PTCD2: variants seen among roughly 807,000 people sequenced by gnomAD.
The protein encoded by PTCD2 is pentatricopeptide repeat domain 2, also known as pentatricopeptide repeat-containing protein 2, mitochondrial.
Under a neutral mutation model 42.6 loss-of-function variants are expected in PTCD2, and 31 were observed. The ratio of observed to expected loss-of-function variants is 0.73; its 90% confidence interval spans 0.55 to 0.98. The LOEUF (loss-of-function observed/expected upper bound fraction) is 0.98. PTCD2 is among the 50% of genes least tolerant of loss of function. The pLI, the probability that PTCD2 is intolerant of heterozygous loss-of-function variation, is 0.00. For synonymous variants in PTCD2, 183 were observed against 170.9 expected (o/e 1.07, Z -0.55); for missense variants, 476 against 454.8 (o/e 1.05, Z -0.42).
chr5:72,344,427 T>G (rs567001216), intron 8 of PTCD2, among the ~76,000 whole-genome samples: 1 of 152,102 alleles, frequency 6.6e-6, no homozygotes, highest in Admixed American at 6.5e-5. Flanking sequence ...GCAGGGGAAT[T>G]GCTTGAATCT....
intron 7 of PTCD2, among the ~76,000 whole-genome samples, chr5:72,342,122 C>T (rs879420186): frequency 6.6e-6 from 1 of 151,830 alleles, no homozygotes; most frequent in Non-Finnish European, 1.5e-5. Context: ...TTCTTTTAGA[C>T]CGGTCATTTG....
intron 7 of PTCD2, among the ~76,000 whole-genome samples, chr5:72,339,059 A>C (rs1232805891): frequency 6.6e-6 from 1 of 152,232 alleles, no homozygotes; most frequent in Non-Finnish European, 1.5e-5. Flanking sequence ...TCCAAAGTTG[A>C]ATTAGCCTCA....
chr5:72,352,035 G>T (rs1404157214), intron 8 of PTCD2, among the ~76,000 whole-genome samples: 1 of 152,176 alleles, frequency 6.6e-6, no homozygotes, highest in Non-Finnish European at 1.5e-5. Context: ...TTAAGTACCA[G>T]TCCAGAGTCA....
intron 9 of PTCD2, among the ~76,000 whole-genome samples, chr5:72,353,010 C>A (rs1400440985): frequency 1.3e-5 from 2 of 152,134 alleles, no homozygotes; most frequent in Non-Finnish European, 2.9e-5. Flanking sequence ...TGGGCCCTGG[C>A]TCTCTTTTTC....
chr5:72,348,326 T>C (rs1440727066), intron 8 of PTCD2, among the ~76,000 whole-genome samples: 2 of 152,238 alleles, frequency 1.3e-5, no homozygotes, highest in African/African-American at 4.8e-5. Flanking sequence ...GTCTGTTTAG[T>C]CAGTATTCAC....
At position 72,362,052 on chromosome 5, in the gene PTCD2, A is replaced by C. The variant is rs1285775987; in HGVS notation, c.*3625A>C. On this transcript the variant is annotated 3_prime_UTR_variant, in exon 10 of 10. Transcript: ENST00000380639. The stretch of plus-strand genomic sequence containing the variant: ...ATGGTAGGGGATGTATCAGAGGATT[A>C]GTACTTATTTAACTCACCAGCTCAT... The C allele has an allele frequency of 6.6e-6, 1 of 152,230 alleles. No individual in the cohort carries two copies. Among genetic ancestry groups the C allele is most frequent in the African/African-American group, 2.4e-5 (1 of 41,464 alleles). The allele number at this position is 152,230 out of a possible 1,614,324, so 9.4% of individuals were successfully genotyped here. A position where few individuals can be genotyped will look rare whatever the true frequency, so the allele number is the denominator to read the frequency against.
At chr5:72,340,121 C>T (rs1751978436) in intron 7 of PTCD2, among the ~76,000 whole-genome samples, 1 of 151,946 alleles carries the variant, frequency 6.6e-6, no homozygotes, top group Admixed American at 6.6e-5. Flanking sequence ...ATAACTTTTT[C>T]TACTCTCTTA....
intron 8 of PTCD2, among the ~76,000 whole-genome samples, chr5:72,346,385 G>A (rs1037107165): frequency 1.3e-5 from 2 of 152,188 alleles, no homozygotes; most frequent in Non-Finnish European, 2.9e-5. Flanking sequence ...GGCATTAATG[G>A]TGAGGCAGAG....
chr5:72,335,238 A>C, intron 5 of PTCD2, 142 bp downstream of exon 5: 1 of 520,614 alleles, frequency 1.9e-6, no homozygotes. Context: ...TCATGAGGTC[A>C]GGAGATCGAG....
At chr5:72,334,713 G>A (rs1417172086) in intron 4 of PTCD2, among the ~76,000 whole-genome samples, 1 of 152,092 alleles carries the variant, frequency 6.6e-6, no homozygotes, top group African/African-American at 2.4e-5. Flanking sequence ...ACCATGCCCA[G>A]CTAATTTTTG....
intron 1 of PTCD2, among the ~76,000 whole-genome samples, chr5:72,321,818 G>GT (rs535361587): frequency 1.2e-3 from 186 of 149,948 alleles, no homozygotes; most frequent in Admixed American, 3.9e-3. Context: ...AATGTTATTA[G>GT]TTTTTTTTTT....
intron 6 of PTCD2, among the ~76,000 whole-genome samples, chr5:72,336,474 G>A (rs906031933): frequency 1.3e-5 from 2 of 152,184 alleles, no homozygotes; most frequent in African/African-American, 4.8e-5. Flanking sequence ...CTGGTATCCA[G>A]TAGTTCTTTA....
rs2112244345 is a variant in PTCD2 at position 72,358,685 on chromosome 5, G to A, written c.*258G>A. 1 of 506,436 alleles carries A rather than the reference G, an allele frequency of 2.0e-6. No individual in the cohort carries two copies. The highest frequency in any genetic ancestry group is 1.9e-5 in the African/African-American group (1 of 52,156). 31.4% of individuals were successfully genotyped at this position (506,436 alleles called of 1,614,324 possible). A position where few individuals can be genotyped will look rare whatever the true frequency, so the allele number is the denominator to read the frequency against. On this transcript the variant is annotated 3_prime_UTR_variant, in exon 10 of 10. Transcript: ENST00000380639. ...GGCTGAGGATCCTTGAAGGAACCTG[G>A]TCAGTCTCCGGTTCAGCTTCCGACA...
intron 8 of PTCD2, among the ~76,000 whole-genome samples, chr5:72,343,801 A>G (rs1752205312): frequency 6.6e-6 from 1 of 151,110 alleles, no homozygotes; most frequent in South Asian, 2.1e-4. Flanking sequence ...TGGACCAATT[A>G]TAAAAGACTG....
At chr5:72,346,759 T>C (rs969926912) in intron 8 of PTCD2, among the ~76,000 whole-genome samples, 2 of 152,162 alleles carry the variant, frequency 1.3e-5, no homozygotes, top group African/African-American at 4.8e-5. Flanking sequence ...AGAGAGAGAA[T>C]GGCCTTCAGA....
chr5:72,325,882 GAGGTGC>G (rs1751108852), intron 2 of PTCD2, among the ~76,000 whole-genome samples: 1 of 152,194 alleles, frequency 6.6e-6, no homozygotes, highest in South Asian at 2.1e-4. Flanking sequence ...ATGACAAGAA[GAGGTGC>G]CTCCTTTTGG....
In PTCD2 at chr5:72,366,279, A is replaced by G. The variant is rs1293412953; in HGVS notation, c.*7852A>G. The G allele has an allele frequency of 6.6e-6, 1 of 152,188 alleles. No individual in the cohort carries two copies. The highest frequency in any genetic ancestry group is 2.4e-5 in the African/African-American group (1 of 41,436). 9.4% of individuals were successfully genotyped at this position (152,188 alleles called of 1,614,324 possible). ...GGTCCTGTGCAAAGCACTTTATCTC[A>G]TTTGATCCCTGGGAAACCCCATAAA... On this transcript the variant is annotated 3_prime_UTR_variant, in exon 10 of 10. Transcript: ENST00000380639.
At chr5:72,320,789 T>C (rs1561371637) in intron 1 of PTCD2, 6 of 421,830 alleles carry the variant, frequency 1.4e-5, no homozygotes, top group Non-Finnish European at 4.3e-6. Context: ...CCCTCCCGCC[T>C]TGGGTGACTT....
Position 72,358,241 on chromosome 5 carries a change from C to G in PTCD2, c.981C>G (p.Ala327=), listed in dbSNP as rs755537877. The G allele has an allele frequency of 1.6e-5, 26 of 1,614,054 alleles. No homozygotes were observed. The Admixed American group carries it at 4.0e-4, about 25-fold the overall frequency. ...KVREKVKDVP[A]LVAKFDEIYG... is the part of the protein sequence containing the mutation. Reference sequence around the variant, plus strand: ...GGGAAAAAGTGAAGGATGTGCCTGCCCTTGTGGCCAAATTTGATGAGATCT... The same window carrying G: ...GGGAAAAAGTGAAGGATGTGCCTGCGCTTGTGGCCAAATTTGATGAGATCT... Residue 327 remains alanine, a synonymous_variant, in exon 10 of 10, where the codon GCC becomes GCG. Transcript: ENST00000380639.
Sources: allele counts gnomAD v4.1 joint callset (sites outside exome capture counted in the v4.1 genomes callset), GRCh38; gene constraint gnomAD v4.1.1; transcripts MANE v1.5; gene names NCBI Gene and HGNC (gene_info 2026-07-23, HGNC 2026-07-21).